Variants in AMZ1 observed in about 807,000 individuals in gnomAD.
AMZ1 encodes archaelysin family metallopeptidase 1.
Under a neutral mutation model 29.9 loss-of-function variants are expected in AMZ1, and 39 were observed. That is an observed-to-expected ratio of 1.30 (90% confidence interval 1.01 to 1.70). The LOEUF (loss-of-function observed/expected upper bound fraction) is 1.70. Ranked by LOEUF, AMZ1 falls within the 40% of genes most tolerant of loss-of-function variation. The probability of loss-of-function intolerance (pLI) is 0.00; values close to 1 mark genes in which losing one functional copy is unlikely to be tolerated. For missense variants in AMZ1, 1,041 were observed against 680.6 expected, an observed-to-expected ratio of 1.53 and a Z score of -5.89; for synonymous variants, 458 against 304.0, an observed-to-expected ratio of 1.51 and a Z score of -5.27.
chr7:2,694,108 T>C lies in AMZ1; in HGVS notation c.-219+5812T>C, dbSNP rs561318072. On this transcript the variant is annotated intron_variant, in intron 1 of 6. Transcript: ENST00000683327. ...CCTGATGCAACACCGTTCCTGGGCG[T>C]GTCTGTGAGGGTGCTCGAGATGACA... is the stretch of plus-strand genomic sequence containing the variant. Among the ~76,000 whole-genome samples, 8 of 152,274 alleles carry C rather than the reference T, an allele frequency of 5.3e-5. No homozygotes were observed. The East Asian group carries it at 1.2e-3, about 22-fold the overall frequency.
Position 2,731,521 on chromosome 7 carries a change from C to T in AMZ1, n.550+21705C>T, listed in dbSNP as rs904215612. The T allele has an allele frequency of 6.2e-7, 1 of 1,612,218 alleles. No homozygotes were observed. The highest frequency in any genetic ancestry group is 8.5e-7 in the Non-Finnish European group (1 of 1,178,806). On this transcript the variant is annotated intron_variant and non_coding_transcript_variant, in intron 4 of 4. Transcript: ENST00000489665. This position sits in a 1 kb window ranked among gnomAD's most constrained non-coding sequence, Gnocchi z 6.0. ...GAAGATGTTCATGGACTCCACCAGC[C>T]GGTTGGTGCGCCTGTCCTCCATGAG...
chr7:2,762,933 G>T, upstream of AMZ1: 1 of 1,398,424 alleles, frequency 7.2e-7, no homozygotes, highest in Non-Finnish European at 9.3e-7. Flanking sequence ...GGACGCCCCA[G>T]ACACTCCCGT....
At chr7:2,739,011 G>A (rs764265971) in intron 4 of AMZ1, among the ~76,000 whole-genome samples, 4 of 152,184 alleles carry the variant, frequency 2.6e-5, no homozygotes, top group Non-Finnish European at 5.9e-5. Flanking sequence ...CCCAGGAAGA[G>A]CTGCACAGGG....
intron 1 of AMZ1, among the ~76,000 whole-genome samples, chr7:2,699,738 C>T (rs556387527): frequency 6.6e-6 from 1 of 152,280 alleles, no homozygotes; most frequent in Non-Finnish European, 1.5e-5. Context: ...AGGATGCACA[C>T]TTTGTGATCA....
Position 2,702,890 on chromosome 7 carries a change from G to C in AMZ1, c.472+1G>C, listed in dbSNP as rs967782551. 6.3e-7 allele frequency: 1 copy of C among 1,583,402 alleles called. No individual in the cohort carries two copies. Among genetic ancestry groups the C allele is most frequent in the Admixed American group, 1.7e-5 (1 of 58,058 alleles). ...TCTGACAGGCTCCAGCTCCACACAG[G>C]TGAGTGAGGACGGCAGCCGCCGCTC... On this transcript the variant is annotated splice_donor_variant, in intron 3 of 6. Transcript: ENST00000683327. LOFTEE classifies it high-confidence loss of function.
intron 1 of AMZ1, among the ~76,000 whole-genome samples, chr7:2,697,861 C>T (rs1486261226): frequency 6.6e-6 from 1 of 152,160 alleles, no homozygotes; most frequent in Non-Finnish European, 1.5e-5. Context: ...ATAGAAAGCT[C>T]CAGGCTGGCA....
chr7:2,721,248 G>C (rs910607166), downstream of AMZ1, among the ~76,000 whole-genome samples: 1 of 152,236 alleles, frequency 6.6e-6, no homozygotes, highest in Non-Finnish European at 1.5e-5. Flanking sequence ...TAAGGCCTGA[G>C]CCGGGCCCTG....
chr7:2,717,486 CG>C lies in AMZ1; in HGVS notation c.*4609del, dbSNP rs1761202230. ...CCCAAGGGCTCTCTGGAGCTCACCC[CG>C]CACGCAGGCTGCTCCAGAGCTGAAA... On this transcript the variant is annotated 3_prime_UTR_variant, in exon 7 of 7. Coordinates refer to ENST00000683327, the MANE Select transcript of AMZ1 (RefSeq NM_001384743.1). Among the ~76,000 whole-genome samples, 1 of 152,212 alleles carries C rather than the reference CG, an allele frequency of 6.6e-6. No individual in the cohort carries two copies. The highest frequency in any genetic ancestry group is 1.5e-5 in the Non-Finnish European group (1 of 68,038).
intron 4 of AMZ1, among the ~76,000 whole-genome samples, chr7:2,750,085 T>G (rs1790955695): frequency 6.6e-6 from 1 of 152,170 alleles, no homozygotes; most frequent in African/African-American, 2.4e-5. Context: ...AAGAAACTCA[T>G]AGCAAGGATG....
At chr7:2,709,333 C>T (rs977898702) in intron 5 of AMZ1, 89 bp downstream of exon 5, 1 of 1,318,444 alleles carries the variant, frequency 7.6e-7, no homozygotes, top group African/African-American at 1.5e-5. Flanking sequence ...GCCCCATCCT[C>T]ACAGTGAAGT....
intron 4 of AMZ1, among the ~76,000 whole-genome samples, chr7:2,737,760 T>A (rs138465798): frequency 2.0e-5 from 3 of 152,396 alleles, no homozygotes; most frequent in East Asian, 3.9e-4. Context: ...CTGCTGTGTA[T>A]GAAAAGTAAC....
chr7:2,735,296 C>T (rs1790111441), intron 4 of AMZ1, among the ~76,000 whole-genome samples: 1 of 152,172 alleles, frequency 6.6e-6, no homozygotes, highest in African/African-American at 2.4e-5. Flanking sequence ...GCTCACAGCC[C>T]AAGCCACCCT....
At chr7:2,697,015 G>T (rs1442073810) in intron 1 of AMZ1, among the ~76,000 whole-genome samples, 1 of 152,196 alleles carries the variant, frequency 6.6e-6, no homozygotes, top group Non-Finnish European at 1.5e-5. Flanking sequence ...TCCCTTCTAG[G>T]AGTCCATCTT....
chr7:2,740,200 T>C (rs1213153067), intron 4 of AMZ1, among the ~76,000 whole-genome samples: 1 of 152,206 alleles, frequency 6.6e-6, no homozygotes, highest in Non-Finnish European at 1.5e-5. Context: ...CTGGTGATCT[T>C]TTCTAGGTGG....
intron 4 of AMZ1, among the ~76,000 whole-genome samples, chr7:2,735,146 G>A (rs1790101363): frequency 6.6e-6 from 1 of 152,096 alleles, no homozygotes; most frequent in Admixed American, 6.5e-5. Flanking sequence ...CTTCCTCAGC[G>A]CCTCTCTCTC....
rs549553581 is a variant in AMZ1 at position 2,714,814 on chromosome 7, G to C, written c.*1936G>C. ...TCCATGGAGGAGGGGCATCTTCTTA[G>C]GAAGGCAGCTGCCATACCGTGAGGA... On this transcript the variant is annotated 3_prime_UTR_variant, in exon 7 of 7. Transcript: ENST00000683327. 3 of 152,382 alleles carry C rather than the reference G, an allele frequency of 2.0e-5. No individual in the cohort carries two copies. In the South Asian group the frequency reaches 6.2e-4, roughly 32 times the overall value. 9.4% of individuals were successfully genotyped at this position (152,382 alleles called of 1,614,324 possible). A position where few individuals can be genotyped will look rare whatever the true frequency, so the allele number is the denominator to read the frequency against.
At chr7:2,706,806 A>G (rs1788378985) in intron 3 of AMZ1, among the ~76,000 whole-genome samples, 1 of 145,424 alleles carries the variant, frequency 6.9e-6, no homozygotes, top group African/African-American at 2.9e-5. Flanking sequence ...ACATAGCCTG[A>G]TCCACAACAA....
intron 4 of AMZ1, among the ~76,000 whole-genome samples, chr7:2,736,942 G>A (rs983985887): frequency 6.6e-6 from 1 of 152,212 alleles, no homozygotes; most frequent in Non-Finnish European, 1.5e-5. Flanking sequence ...AGACCCTCGA[G>A]ATCAGTACAT....
At chr7:2,702,490 C>T in intron 2 of AMZ1, 1 of 553,426 alleles carries the variant, frequency 1.8e-6, no homozygotes, top group South Asian at 2.6e-5. Context: ...GCGATTGTCA[C>T]TGCTGTCCTT....
Sources: gnomAD v4.1 joint callset for allele counts (sites outside exome capture counted in the v4.1 genomes callset) on GRCh38, gnomAD v4.1.1 for gene constraint, Gnocchi (gnomAD v3.1) non-coding constraint, MANE v1.5 for transcripts, NCBI Gene and HGNC (gene_info 2026-07-23, HGNC 2026-07-21) for gene names.